Variants in SENP2 observed in about 807,000 individuals in gnomAD.
SENP2 encodes the protein SUMO specific peptidase 2, also known as sentrin-specific protease 2.
SENP2 carries 16 observed loss-of-function variants against 86.3 expected under a neutral mutation model. The ratio of observed to expected loss-of-function variants is 0.19; its 90% CI spans 0.13 to 0.28. The LOEUF is 0.28. Ranked by LOEUF, SENP2 falls within the 10% of genes least tolerant of loss-of-function variation. The pLI, the probability that SENP2 is intolerant of heterozygous loss-of-function variation, is 1.00. For synonymous variants in SENP2, 222 were observed against 238.7 expected, an observed-to-expected ratio of 0.93 and a Z score of 0.64; for missense variants, 552 against 703.0, an observed-to-expected ratio of 0.79 and a Z score of 2.43.
intron 5 of SENP2, among the ~76,000 whole-genome samples, chr3:185,602,756 C>T (rs974094156): frequency 4.7e-5 from 7 of 147,828 alleles, no homozygotes; most frequent in African/African-American, 1.5e-4. Context: ...ATTGCTTGAA[C>T]CCGGAAGCAG....
chr3:185,599,369 ATTC>A (rs1722272014), intron 4 of SENP2, among the ~76,000 whole-genome samples: 2 of 152,300 alleles, frequency 1.3e-5, no homozygotes, highest in Admixed American at 1.3e-4. Context: ...ATAAAACCTT[ATTC>A]ATGTCCTTTA....
At chr3:185,612,709 C>G (rs111634964) in intron 9 of SENP2, 51 bp downstream of exon 9, 1 of 1,311,860 alleles carries the variant, frequency 7.6e-7, no homozygotes, top group Non-Finnish European at 1.1e-6. Flanking sequence ...TATTTTCTTA[C>G]TTTATAAGCT....
chr3:185,606,013 G>C (rs1314276004), intron 5 of SENP2, among the ~76,000 whole-genome samples: 2 of 152,076 alleles, frequency 1.3e-5, no homozygotes, highest in African/African-American at 2.4e-5. Flanking sequence ...GGTGACTAAA[G>C]GAAAAATGCA....
chr3:185,600,884 A>G, intron 5 of SENP2, 29 bp downstream of exon 5: 1 of 1,476,626 alleles, frequency 6.8e-7, no homozygotes, highest in Non-Finnish European at 9.5e-7. Context: ...CTGTAAATGG[A>G]AACTTAGCAT....
chr3:185,617,648 A>T (rs1268365342), intron 12 of SENP2, 37 bp downstream of exon 12: 1 of 1,588,554 alleles, frequency 6.3e-7, no homozygotes, highest in Non-Finnish European at 8.6e-7. Context: ...GCTATCATTA[A>T]GTTTATTTAT....
intron 2 of SENP2, among the ~76,000 whole-genome samples, chr3:185,592,379 T>G (rs1293135758): frequency 6.6e-6 from 1 of 151,982 alleles, no homozygotes. Context: ...TATATCTGAA[T>G]GGATAAAGAA....
At chr3:185,593,400 C>T (rs1722072969) in intron 2 of SENP2, among the ~76,000 whole-genome samples, 1 of 152,164 alleles carries the variant, frequency 6.6e-6, no homozygotes, top group East Asian at 1.9e-4. Flanking sequence ...AGGCGTGAAC[C>T]ACCATCCCCG....
At chr3:185,624,343 C>G (rs1048444034) in intron 15 of SENP2, among the ~76,000 whole-genome samples, 8 of 151,956 alleles carry the variant, frequency 5.3e-5, no homozygotes, top group Non-Finnish European at 8.8e-5. Context: ...GAATGATCTG[C>G]TTCTAAATCT....
chr3:185,594,684 A>G (rs1222663350), intron 2 of SENP2, among the ~76,000 whole-genome samples: 6 of 151,068 alleles, frequency 4.0e-5, no homozygotes, highest in Admixed American at 1.3e-4. Context: ...CAGTGGCACA[A>G]TCTCGGTTCA....
chr3:185,627,028 G>A (rs1051878595), intron 16 of SENP2, among the ~76,000 whole-genome samples: 12 of 147,156 alleles, frequency 8.2e-5, no homozygotes, highest in Non-Finnish European at 1.2e-4. Flanking sequence ...GTGGTGAGCC[G>A]AGATCGTGCC....
At chr3:185,621,214 A>G (rs1278756295) in intron 13 of SENP2, among the ~76,000 whole-genome samples, 1 of 138,664 alleles carries the variant, frequency 7.2e-6, no homozygotes, top group Non-Finnish European at 1.5e-5. Flanking sequence ...AAAGAAAGAT[A>G]CAGATATAAA....
Position 185,631,078 on chromosome 3 carries a change from G to A in SENP2, c.*1234G>A, listed in dbSNP as rs1337461376. ...GTGTTGCTTTTCTGATGTAATAAAAGGTGGTCTGGCAGAACCTAAAAAAGT... is the reference window on the plus strand; with the variant it reads ...GTGTTGCTTTTCTGATGTAATAAAAAGTGGTCTGGCAGAACCTAAAAAAGT... On this transcript the variant is annotated 3_prime_UTR_variant, in exon 17 of 17. Transcript: ENST00000296257. The A allele has an allele frequency of 6.6e-6, 1 of 151,956 alleles. No homozygotes were observed. Among genetic ancestry groups the A allele is most frequent in the Non-Finnish European group, 1.5e-5 (1 of 68,018 alleles). 9.4% of individuals were successfully genotyped at this position (151,956 alleles called of 1,614,324 possible). A position where few individuals can be genotyped will look rare whatever the true frequency, so the allele number is the denominator to read the frequency against.
intron 2 of SENP2, 138 bp downstream of exon 2, chr3:185,590,307 G>A (rs893070976): frequency 1.1e-5 from 4 of 351,200 alleles, no homozygotes; most frequent in Non-Finnish European, 2.1e-5. Context: ...TAGCACTTTG[G>A]GAGGCCAAGG....
At chr3:185,604,395 T>C (rs972421516) in intron 5 of SENP2, among the ~76,000 whole-genome samples, 3 of 152,236 alleles carry the variant, frequency 2.0e-5, no homozygotes, top group African/African-American at 7.2e-5. Context: ...AAAGAATGCA[T>C]ATTCTGCTGT....
chr3:185,602,090 T>TA (rs1230703663), intron 5 of SENP2, among the ~76,000 whole-genome samples: 1 of 152,206 alleles, frequency 6.6e-6, no homozygotes, highest in Non-Finnish European at 1.5e-5. Context: ...CTTATCTCTC[T>TA]AAAGCTGTTT....
At chr3:185,601,839 T>C (rs1722356729) in intron 5 of SENP2, among the ~76,000 whole-genome samples, 1 of 152,014 alleles carries the variant, frequency 6.6e-6, no homozygotes, top group Non-Finnish European at 1.5e-5. Flanking sequence ...GGTTTCACCA[T>C]GTTGGCCAGG....
intron 2 of SENP2, among the ~76,000 whole-genome samples, chr3:185,595,239 A>G (rs78433671): frequency 0.084 from 12,831 of 152,174 alleles, 868 homozygotes; most frequent in South Asian, 0.34. Context: ...AGTAGCCACA[A>G]TTTGCTATGT....
At chr3:185,618,156 T>C (rs1037083296) in intron 12 of SENP2, among the ~76,000 whole-genome samples, 1 of 152,124 alleles carries the variant, frequency 6.6e-6, no homozygotes, top group Non-Finnish European at 1.5e-5. Context: ...GTTGGTCAGG[T>C]TGGTCTCAAA....
At chr3:185,603,908 G>T (rs1434924286) in intron 5 of SENP2, among the ~76,000 whole-genome samples, 2 of 152,088 alleles carry the variant, frequency 1.3e-5, no homozygotes, top group Non-Finnish European at 2.9e-5. Context: ...GATCACTTGA[G>T]GCCAGGAGTT....
Sources: gnomAD v4.1 joint callset for allele counts (sites outside exome capture counted in the v4.1 genomes callset) on GRCh38, gnomAD v4.1.1 for gene constraint, MANE v1.5 for transcripts, NCBI Gene and HGNC (gene_info 2026-07-23, HGNC 2026-07-21) for gene names.